RAI2: variants seen among roughly 807,000 people sequenced by gnomAD.
RAI2 encodes retinoic acid induced 2.
A neutral mutation model predicts 15.3 loss-of-function variants in RAI2; 5 were observed. The observed-to-expected ratio is 0.33, with a 90% confidence interval of 0.17 to 0.69. The LOEUF is 0.69. Among genes scored for constraint, RAI2 ranks in the 30% least tolerant of loss-of-function variants. RAI2 has a pLI of 0.69. For missense variants in RAI2, 424 were observed against 424.7 expected (o/e 1.00, Z 0.01); for synonymous variants, 191 against 184.0 (o/e 1.04, Z -0.31).
intron 1 of RAI2, among the ~76,000 whole-genome samples, chrX:17,842,439 G>A (rs1034271035): frequency 9.0e-6 from 1 of 111,032 alleles, no homozygotes; most frequent in African/African-American, 3.3e-5. Flanking sequence ...ACATGCTTGG[G>A]GGATATGACA....
chrX:17,803,715 G>A (rs1390581172), intron 1 of RAI2, among the ~76,000 whole-genome samples: 5 of 111,074 alleles, frequency 4.5e-5, no homozygotes, highest in Non-Finnish European at 1.9e-5. Flanking sequence ...AAACAACTTT[G>A]TGGAGAATGA....
intron 1 of RAI2, among the ~76,000 whole-genome samples, chrX:17,824,071 T>C (rs1601916105): frequency 8.9e-6 from 1 of 112,176 alleles, no homozygotes; most frequent in Middle Eastern, 4.6e-3. Flanking sequence ...AATGAATAGA[T>C]GAATAAATAG....
Position 17,848,618 on chromosome X carries a change from C to T in RAI2, c.-25+12480G>A, listed in dbSNP as rs1024636365. On this transcript the variant is annotated intron_variant, in intron 1 of 1. Coordinates refer to ENST00000451717, the MANE Select transcript of RAI2 (RefSeq NM_021785.6). ...TTCCCTGGCCTCCTGGCCACTCACA[C>T]CCCCTCACCTCTACCCCTGCCCCAG... Among the ~76,000 whole-genome samples the T allele has an allele frequency of 5.4e-5, 6 of 111,898 alleles. No homozygotes were observed. In the East Asian group the frequency reaches 1.7e-3, roughly 32 times the overall value.
chrX:17,838,822 A>G (rs2067366130), intron 1 of RAI2, among the ~76,000 whole-genome samples: 1 of 111,098 alleles, frequency 9.0e-6, no homozygotes, highest in African/African-American at 3.3e-5. Flanking sequence ...TGCACACATC[A>G]CACATCATAT....
chrX:17,847,684 G>C (rs931610489), intron 1 of RAI2, among the ~76,000 whole-genome samples: 2 of 113,064 alleles, frequency 1.8e-5, no homozygotes, highest in Non-Finnish European at 3.7e-5. Flanking sequence ...GGAATGAAGG[G>C]GAAGGGTGGA....
chrX:17,827,911 T>C (rs2067244337), intron 1 of RAI2, among the ~76,000 whole-genome samples: 1 of 111,375 alleles, frequency 9.0e-6, no homozygotes, highest in Admixed American at 9.5e-5. Flanking sequence ...GCAGGAGATC[T>C]CTTTTTCCCT....
Position 17,801,770 on chromosome X carries a change from G to A in RAI2, c.241C>T (p.Leu81=). The A allele has an allele frequency of 8.2e-7, 1 of 1,212,188 alleles. No individual in the cohort carries two copies. The stretch of plus-strand genomic sequence containing the variant: ...ACCACTGGGCTCTCCCCGAGGCACA[G>A]GGGCTGCAACACAGTGGCCGCCACC... ...LKVAATVLQP[L]CLGESPVVMP... is the part of the protein sequence containing the mutation. The change falls in exon 2 of 2, where the codon CTG becomes TTG. Residue 81 remains leucine, a synonymous_variant. Transcript: ENST00000451717.
At chrX:17,833,420 G>A (rs1240071613) in intron 1 of RAI2, among the ~76,000 whole-genome samples, 1 of 111,516 alleles carries the variant, frequency 9.0e-6, no homozygotes, top group East Asian at 2.8e-4. Context: ...TACTCAGGAC[G>A]CTCAGGCAGG....
chrX:17,853,945 A>G (rs1369647907), intron 1 of RAI2, among the ~76,000 whole-genome samples: 1 of 111,801 alleles, frequency 8.9e-6, no homozygotes, highest in Non-Finnish European at 1.9e-5. Flanking sequence ...AATACACTGT[A>G]TCTTACCTAA....
At chrX:17,816,581 C>T (rs1458784868) in intron 1 of RAI2, among the ~76,000 whole-genome samples, 21 of 112,421 alleles carry the variant, frequency 1.9e-4, no homozygotes, top group Non-Finnish European at 7.5e-5. Context: ...TCCCTCTCCA[C>T]CATTACCACT....
chrX:17,846,186 A>G (rs1342386895), intron 1 of RAI2, among the ~76,000 whole-genome samples: 1 of 111,930 alleles, frequency 8.9e-6, no homozygotes, highest in Non-Finnish European at 1.9e-5. Flanking sequence ...GTGGAAGTAA[A>G]TCTCCACTGC....
intron 1 of RAI2, among the ~76,000 whole-genome samples, chrX:17,835,252 C>G (rs1415060125): frequency 8.9e-6 from 1 of 112,310 alleles, no homozygotes; most frequent in African/African-American, 3.2e-5. Flanking sequence ...ATCAGTGAAA[C>G]AGTAAAACGA....
chrX:17,819,459 C>T (rs1338301517), intron 1 of RAI2, among the ~76,000 whole-genome samples: 1 of 112,149 alleles, frequency 8.9e-6, no homozygotes, highest in East Asian at 2.8e-4. Context: ...AACTACCTGC[C>T]CTGTTGTCAG....
chrX:17,830,722 AG>A (rs2067273089), intron 1 of RAI2, among the ~76,000 whole-genome samples: 1 of 110,761 alleles, frequency 9.0e-6, no homozygotes, highest in Admixed American at 9.6e-5. Flanking sequence ...GAAAGCTCAG[AG>A]GTCATCTGGG....
At chrX:17,841,352 T>C (rs1463455930) in intron 1 of RAI2, among the ~76,000 whole-genome samples, 3 of 111,953 alleles carry the variant, frequency 2.7e-5, no homozygotes, top group East Asian at 2.8e-4. Flanking sequence ...CATGCATACA[T>C]TGTCACTCCT....
chrX:17,800,502 T>G lies in RAI2; in HGVS notation c.1509A>C (p.Ile503=). 1 of 1,211,650 alleles carries G rather than the reference T, an allele frequency of 8.3e-7. No homozygotes were observed. Among genetic ancestry groups the G allele is most frequent in the South Asian group, 1.8e-5 (1 of 56,893 alleles). ...CCTGGGAGTTCACTTTCTTTAACTT[T>G]ATGCTCCGGTTTTTGATGGGTTTCC... ...PLRKPIKNRS[I]KLKKVNSQEI... is the part of the protein sequence containing the mutation. Residue 503 remains isoleucine (I), a synonymous_variant, in exon 2 of 2, where the codon ATA becomes ATC. Transcript: ENST00000451717.
At chrX:17,855,759 T>C (rs2067594777) in intron 1 of RAI2, among the ~76,000 whole-genome samples, 1 of 112,266 alleles carries the variant, frequency 8.9e-6, no homozygotes, top group African/African-American at 3.2e-5. Flanking sequence ...TGTAGTCACA[T>C]TTAAAAAAAT....
At chrX:17,833,403 T>A (rs760959043) in intron 1 of RAI2, among the ~76,000 whole-genome samples, 2 of 111,358 alleles carry the variant, frequency 1.8e-5, no homozygotes, top group South Asian at 7.7e-4. Flanking sequence ...GCGCCTGTAA[T>A]CCCAGCTACT....
chrX:17,845,066 C>A (rs1298983096), intron 1 of RAI2, among the ~76,000 whole-genome samples: 2 of 112,237 alleles, frequency 1.8e-5, no homozygotes, highest in African/African-American at 6.5e-5. Context: ...GTGAAATAGA[C>A]AACCTTTTAA....
Sources: allele counts gnomAD v4.1 joint callset (sites outside exome capture counted in the v4.1 genomes callset), GRCh38; gene constraint gnomAD v4.1.1; transcripts MANE v1.5; gene names NCBI Gene and HGNC (gene_info 2026-07-23, HGNC 2026-07-21).